GSE1: variants seen among roughly 807,000 people sequenced by gnomAD.
GSE1 encodes genetic suppressor element 1.
A neutral mutation model predicts 112.6 loss-of-function variants in GSE1; 32 were observed. The ratio of observed to expected loss-of-function variants is 0.28; its 90% CI spans 0.21 to 0.38. The LOEUF (loss-of-function observed/expected upper bound fraction) is 0.38. Ranked by LOEUF, GSE1 falls within the 10% of genes least tolerant of loss-of-function variation. The pLI, the probability that GSE1 is intolerant of heterozygous loss-of-function variation, is 1.00. For synonymous variants in GSE1, 1,115 were observed against 735.6 expected, an observed-to-expected ratio of 1.52 and a Z score of -8.35; for missense variants, 2,348 against 1,699.2, an observed-to-expected ratio of 1.38 and a Z score of -6.71.
chr16:85,337,053 T>C (rs2046505444), intron 1 of GSE1, among the ~76,000 whole-genome samples: 1 of 152,144 alleles, frequency 6.6e-6, no homozygotes, highest in Non-Finnish European at 1.5e-5. Context: ...CACTGACACA[T>C]ATGCACACAC....
chr16:85,307,533 A>G (rs2045713299), intron 1 of GSE1, among the ~76,000 whole-genome samples: 1 of 152,230 alleles, frequency 6.6e-6, no homozygotes, highest in Non-Finnish European at 1.5e-5. Flanking sequence ...GAGGGTTCCC[A>G]GCACAGAGCT....
rs572085803 is a variant in GSE1, at chr16:85,572,423, C to T, written c.37+16060C>T. Among the ~76,000 whole-genome samples, 85 of 150,244 alleles carry T rather than the reference C, an allele frequency of 5.7e-4. 1 individual carries two copies. The highest frequency in any genetic ancestry group is 3.0e-5 in the Non-Finnish European group (2 of 67,544). ...CACACCACACACACTACACACCACA[C>T]ACACACAGCACATACAACACACAGC... On this transcript the variant is annotated intron_variant, in intron 1 of 2. Transcript: ENST00000635906.
chr16:85,541,421 C>T (rs1339159716), intron 2 of GSE1, among the ~76,000 whole-genome samples: 5 of 152,252 alleles, frequency 3.3e-5, no homozygotes, highest in Non-Finnish European at 5.9e-5. Context: ...CTGGCACAGG[C>T]CTCACTGTCC....
intron 2 of GSE1, among the ~76,000 whole-genome samples, chr16:85,380,658 C>T (rs1360223822): frequency 1.3e-5 from 2 of 152,132 alleles, no homozygotes; most frequent in South Asian, 2.1e-4. Flanking sequence ...GAAATCTTGA[C>T]ATCAACAAGG....
chr16:85,655,431 CCCAGCCTGCTCG>C (rs1247280647), intron 5 of GSE1, among the ~76,000 whole-genome samples: 1 of 152,210 alleles, frequency 6.6e-6, no homozygotes, highest in South Asian at 2.1e-4. Flanking sequence ...GTCAGGGCAG[CCCAGCCTGCTCG>C]CCAGCCTTGG....
At chr16:85,277,497 C>CA (rs1416090630) in intron 1 of GSE1, among the ~76,000 whole-genome samples, 1 of 151,906 alleles carries the variant, frequency 6.6e-6, no homozygotes, top group Non-Finnish European at 1.5e-5. Context: ...GTATGCGAGT[C>CA]ACCTGGGGCC....
chr16:85,262,676 C>G (rs1376866194), intron 1 of GSE1, among the ~76,000 whole-genome samples: 3 of 152,184 alleles, frequency 2.0e-5, no homozygotes, highest in East Asian at 3.9e-4. Flanking sequence ...AGCAATCAGA[C>G]CAGAGTGGGA....
intron 1 of GSE1, among the ~76,000 whole-genome samples, chr16:85,291,378 A>AT (rs1187607685): frequency 6.6e-6 from 1 of 151,870 alleles, no homozygotes; most frequent in African/African-American, 2.4e-5. Flanking sequence ...CTTGTGCTGG[A>AT]TTTTTTCCTT....
At chr16:85,189,838 A>G (rs2074785195) in intron 1 of GSE1, among the ~76,000 whole-genome samples, 1 of 152,176 alleles carries the variant, frequency 6.6e-6, no homozygotes, top group Non-Finnish European at 1.5e-5. Flanking sequence ...TATCTTTCTA[A>G]TGCCTGTAGG....
intron 1 of GSE1, among the ~76,000 whole-genome samples, chr16:85,288,511 C>T (rs1204236277): frequency 6.6e-6 from 1 of 152,214 alleles, no homozygotes; most frequent in African/African-American, 2.4e-5. Flanking sequence ...ATGTGACAAC[C>T]TGTTGAGAGC....
rs1481679187 is a variant in GSE1, at chr16:85,408,061, G to C, written c.2464+50418G>C. On this transcript the variant is annotated intron_variant, in intron 2 of 2. Coordinates refer to the GSE1 transcript ENST00000637419. ...CCTGGATAATCCTGTTACTCTCAGG[G>C]CACCTGGATAATCCTCACTGTTACA... 2.2e-4 allele frequency among the ~76,000 whole-genome samples: 9 copies of C among 40,710 alleles called. 2 individuals carry two copies. The highest frequency in any genetic ancestry group is 2.8e-4 in the Non-Finnish European group (6 of 21,704). The allele number at this position is 40,710 out of a possible 152,430, so 26.7% of individuals were successfully genotyped here.
chr16:85,473,381 C>A (rs377481888), intron 2 of GSE1, among the ~76,000 whole-genome samples: 4 of 152,108 alleles, frequency 2.6e-5, no homozygotes, highest in African/African-American at 9.7e-5. Context: ...TGGTTGGAGT[C>A]CTGGGGCTGC....
intron 2 of GSE1, among the ~76,000 whole-genome samples, chr16:85,416,635 G>T (rs2048709764): frequency 2.6e-5 from 4 of 152,212 alleles, no homozygotes; most frequent in African/African-American, 7.2e-5. Flanking sequence ...CAGCCCTGCA[G>T]GTTTCCTTGC....
chr16:85,284,738 G>C (rs1250411939), intron 1 of GSE1, among the ~76,000 whole-genome samples: 1 of 152,140 alleles, frequency 6.6e-6, no homozygotes, highest in Non-Finnish European at 1.5e-5. Flanking sequence ...GGAATACTAA[G>C]GGGAAGGCTG....
intron 1 of GSE1, among the ~76,000 whole-genome samples, chr16:85,586,967 A>G (rs536204130): frequency 6.6e-6 from 1 of 152,262 alleles, no homozygotes; most frequent in Admixed American, 6.5e-5. Flanking sequence ...TGATTGCACT[A>G]CCATGGTTGA....
intron 1 of GSE1, among the ~76,000 whole-genome samples, chr16:85,231,638 G>A (rs946211680): frequency 8.2e-4 from 125 of 152,288 alleles, no homozygotes; most frequent in African/African-American, 2.9e-3. Context: ...GTTGGATGTA[G>A]CCCCCTCTCC....
At chr16:85,281,781 C>T (rs1376608796) in intron 1 of GSE1, among the ~76,000 whole-genome samples, 1 of 152,048 alleles carries the variant, frequency 6.6e-6, no homozygotes, top group Non-Finnish European at 1.5e-5. Flanking sequence ...AGCATGTGCA[C>T]GGGGTTAGTG....
At chr16:85,422,636 G>T (rs1174241817) in intron 2 of GSE1, among the ~76,000 whole-genome samples, 1 of 152,118 alleles carries the variant, frequency 6.6e-6, no homozygotes, top group Admixed American at 6.5e-5. Context: ...GAGAGAGGGG[G>T]CGTTCTGGCC....
At chr16:85,183,003 G>C (rs2074624314) in intron 1 of GSE1, among the ~76,000 whole-genome samples, 1 of 152,138 alleles carries the variant, frequency 6.6e-6, no homozygotes, top group South Asian at 2.1e-4. Flanking sequence ...CATACTCACT[G>C]TTACACATGC....
Sources: allele counts gnomAD v4.1 joint callset (sites outside exome capture counted in the v4.1 genomes callset), GRCh38; gene constraint gnomAD v4.1.1; transcripts MANE v1.5; gene names NCBI Gene and HGNC (gene_info 2026-07-23, HGNC 2026-07-21).